The following ARG2 variants were observed in gnomAD, a reference collection of about 807,000 sequenced individuals.
ARG2 encodes arginase 2.
ARG2 carries 21 observed loss-of-function variants against 39.4 expected under a neutral mutation model. The observed-to-expected ratio is 0.53, with a 90% CI of 0.38 to 0.77. ARG2 has a LOEUF of 0.77. Among genes scored for constraint, ARG2 ranks in the 30% least tolerant of loss-of-function variants. ARG2 has a pLI of 0.00. For missense variants in ARG2, 378 were observed against 426.2 expected (o/e 0.89, Z 1.00); for synonymous variants, 150 against 156.7 (o/e 0.96, Z 0.32).
intron 6 of ARG2, chr14:67,647,835 C>T (rs781181111): frequency 3.0e-5 from 17 of 562,454 alleles, no homozygotes; most frequent in Non-Finnish European, 4.7e-5. Context: ...GAACAAATGG[C>T]AGTATCATGA....
chr14:67,623,534 CTTTTTTTTTT>C (rs60604937), intron 2 of ARG2, among the ~76,000 whole-genome samples: 11 of 82,924 alleles, frequency 1.3e-4, no homozygotes, highest in African/African-American at 4.9e-4. Flanking sequence ...CTCAGGTAAC[CTTTTTTTTTT>C]TTTTTTTTTT....
chr14:67,651,393 T>C lies in ARG2; in HGVS notation c.*473T>C. On this transcript the variant is annotated 3_prime_UTR_variant, in exon 8 of 8. Transcript: ENST00000261783. ...CCCTTCCCTATAGAAGTTCAATGGC[T>C]GCGAAAGAATTTGTAGTAAACCAGG... is the stretch of plus-strand genomic sequence containing the variant. 2 of 1,613,828 alleles carry C rather than the reference T, an allele frequency of 1.2e-6. No individual in the cohort carries two copies. Among genetic ancestry groups the C allele is most frequent in the African/African-American group, 1.3e-5 (1 of 75,028 alleles).
At chr14:67,637,485 A>G (rs2140753367) in intron 2 of ARG2, among the ~76,000 whole-genome samples, 1 of 151,454 alleles carries the variant, frequency 6.6e-6, no homozygotes, top group Middle Eastern at 3.4e-3. Context: ...TTAACTTCCC[A>G]TCAGCCTCCT....
Position 67,650,764 on chromosome 14 carries a change from C to A in ARG2, c.909C>A (p.Thr303=). 6.2e-7 allele frequency: 1 copy of A among 1,614,142 alleles called. No homozygotes were observed. Among genetic ancestry groups the A allele is most frequent in the Non-Finnish European group, 8.5e-7 (1 of 1,180,028 alleles). Residue 303 remains threonine (T), a synonymous_variant, in exon 8 of 8, where the codon ACC becomes ACA. Transcript: ENST00000261783. The part of the protein sequence containing the change: ...DLVEVNPQLA[T]SEEEAKTTAN... ...TTGAAGTCAATCCTCAGTTGGCCACCTCAGAGGAAGAGGCGAAGACTACAG... is the reference window on the plus strand; with the variant it reads ...TTGAAGTCAATCCTCAGTTGGCCACATCAGAGGAAGAGGCGAAGACTACAG...
intron 2 of ARG2, among the ~76,000 whole-genome samples, chr14:67,626,098 AC>A (rs1216637147): frequency 1.3e-5 from 2 of 152,106 alleles, no homozygotes; most frequent in Admixed American, 1.3e-4. Flanking sequence ...ACTAAAAAAT[AC>A]AAAAATTAGC....
intron 2 of ARG2, among the ~76,000 whole-genome samples, chr14:67,625,680 C>CA (rs1176476000): frequency 0.14 from 4,260 of 31,480 alleles, 341 homozygotes; most frequent in African/African-American, 0.2. Flanking sequence ...AACTCCATCT[C>CA]AAAAAAAAAA....
At chr14:67,631,774 C>T (rs1282172396) in intron 2 of ARG2, among the ~76,000 whole-genome samples, 2 of 152,124 alleles carry the variant, frequency 1.3e-5, no homozygotes, top group East Asian at 3.9e-4. Context: ...TCAGTGTTCT[C>T]AGGATTCTGT....
Position 67,648,997 on chromosome 14 carries a change from C to T in ARG2, c.859+814C>T, listed in dbSNP as rs1423086573. ...AGAAATGGTCTCCTTAGCGCCACAGCCTGCCAGAACCTTAGGCAGTACAAA... is the reference window on the plus strand; with the variant it reads ...AGAAATGGTCTCCTTAGCGCCACAGTCTGCCAGAACCTTAGGCAGTACAAA... On this transcript the variant is annotated intron_variant, in intron 7 of 7. Transcript: ENST00000261783. 4 of 152,196 alleles carry T rather than the reference C, an allele frequency of 2.6e-5. No homozygotes were observed. The East Asian group carries it at 5.8e-4, about 22-fold the overall frequency. The allele number at this position is 152,196 out of a possible 1,614,324, so 9.4% of individuals were successfully genotyped here.
At chr14:67,621,322 C>A (rs940460559) in intron 2 of ARG2, among the ~76,000 whole-genome samples, 1 of 152,118 alleles carries the variant, frequency 6.6e-6, no homozygotes, top group Non-Finnish European at 1.5e-5. Context: ...TTATCAGTCT[C>A]GCCAGTTTTC....
At chr14:67,641,594 T>C (rs2037031454) in intron 2 of ARG2, among the ~76,000 whole-genome samples, 1 of 152,198 alleles carries the variant, frequency 6.6e-6, no homozygotes, top group Non-Finnish European at 1.5e-5. Context: ...CAATAAATAT[T>C]AGATATTTCT....
At chr14:67,642,786 ACATT>A (rs1301177553) in intron 3 of ARG2, among the ~76,000 whole-genome samples, 1 of 95,774 alleles carries the variant, frequency 1.0e-5, no homozygotes, top group Non-Finnish European at 2.0e-5. Flanking sequence ...GCATGTTACT[ACATT>A]TTCTTTTTTT....
At chr14:67,638,626 G>A (rs2036997455) in intron 2 of ARG2, among the ~76,000 whole-genome samples, 2 of 152,134 alleles carry the variant, frequency 1.3e-5, no homozygotes, top group Non-Finnish European at 2.9e-5. Context: ...ATAGAGTTGA[G>A]TTCGTTCTTC....
intron 2 of ARG2, among the ~76,000 whole-genome samples, chr14:67,640,708 G>A (rs1441239631): frequency 1.3e-5 from 2 of 152,122 alleles, no homozygotes; most frequent in Admixed American, 6.5e-5. Context: ...TCTGTTCTCT[G>A]ATAGTTCAGA....
intron 2 of ARG2, among the ~76,000 whole-genome samples, chr14:67,633,354 C>A (rs1230232994): frequency 6.6e-6 from 1 of 151,948 alleles, no homozygotes; most frequent in Admixed American, 6.6e-5. Context: ...CCTGTGGTGT[C>A]CTATGACATA....
intron 2 of ARG2, among the ~76,000 whole-genome samples, chr14:67,632,718 T>G (rs539954578): frequency 1.3e-5 from 2 of 150,332 alleles, no homozygotes; most frequent in East Asian, 3.9e-4. Context: ...AAGATTCACA[T>G]AAATTTGAAA....
chr14:67,651,022 T>C lies in ARG2; in HGVS notation c.*102T>C. 1 of 1,205,270 alleles carries C rather than the reference T, an allele frequency of 8.3e-7. No homozygotes were observed. The highest frequency in any genetic ancestry group is 2.0e-5 in the Admixed American group (1 of 50,092). 74.7% of individuals were successfully genotyped at this position (1,205,270 alleles called of 1,614,324 possible). A position where few individuals can be genotyped will look rare whatever the true frequency, so the allele number is the denominator to read the frequency against. On this transcript the variant is annotated 3_prime_UTR_variant, in exon 8 of 8. Transcript: ENST00000261783. ...ATGGTTGTCTGGGTCAATACTGCCTTAATGAGAACATTTACACATTCTCAC... is the reference window on the plus strand; with the variant it reads ...ATGGTTGTCTGGGTCAATACTGCCTCAATGAGAACATTTACACATTCTCAC...
In ARG2 at chr14:67,648,065, T is replaced by C. The variant is rs751636666; in HGVS notation, c.741T>C (p.His247=). 1 of 1,612,896 alleles carries C rather than the reference T, an allele frequency of 6.2e-7. No individual in the cohort carries two copies. Among genetic ancestry groups the C allele is most frequent in the East Asian group, 2.2e-5 (1 of 44,786 alleles). Residue 247 remains histidine (H), a synonymous_variant, in exon 7 of 8, where the codon CAT becomes CAC. Coordinates refer to ENST00000261783, the MANE Select transcript of ARG2 (RefSeq NM_001172.4). ...LLIGKRQRPI[H]LSFDIDAFDP... ...TTTTTAGGAGACAAAGACCAATCCA[T>C]TTGAGTTTTGATATTGATGCATTTG...
Position 67,619,983 on chromosome 14 carries a change from C to G in ARG2, c.6C>G (p.Ser2=). 1 of 1,600,856 alleles carries G rather than the reference C, an allele frequency of 6.2e-7. No homozygotes were observed. The highest frequency in any genetic ancestry group is 8.5e-7 in the Non-Finnish European group (1 of 1,173,854). Residue 2 remains serine (S), a synonymous_variant, in exon 1 of 8, where the codon TCC becomes TCG. Transcript: ENST00000261783. M[S]LRGSLSRLLQ... ...GATTCTCAGTGCTGCGGATCATGTC[C>G]CTAAGGGGCAGCCTCTCGCGTCTCC...
chr14:67,648,314 A>C, intron 7 of ARG2, 131 bp downstream of exon 7: 1 of 1,009,408 alleles, frequency 9.9e-7, no homozygotes, highest in Non-Finnish European at 1.4e-6. Flanking sequence ...TTTGTAGCTA[A>C]AAATTATATG....
Sources: gnomAD v4.1 joint callset for allele counts (sites outside exome capture counted in the v4.1 genomes callset) on GRCh38, gnomAD v4.1.1 for gene constraint, MANE v1.5 for transcripts, NCBI Gene and HGNC (gene_info 2026-07-23, HGNC 2026-07-21) for gene names.